The following NDE1 variants were observed in gnomAD, a reference collection of about 807,000 sequenced individuals.
NDE1 encodes the protein nudE neurodevelopment protein 1, also known as nuclear distribution protein nudE homolog 1.
In NDE1, 28 loss-of-function variants were observed where a neutral mutation model predicts 43.4. The observed-to-expected ratio is 0.65, with a 90% CI of 0.48 to 0.89. The LOEUF is 0.89. Ranked by LOEUF, NDE1 falls within the 40% of genes least tolerant of loss-of-function variation. The pLI is 0.00. For synonymous variants in NDE1, 184 were observed against 172.0 expected (o/e 1.07, Z -0.55); for missense variants, 441 against 434.1 (o/e 1.02, Z -0.14).
rs771263456 is a variant in NDE1 at position 15,699,783 on chromosome 16, G to A, written c.947+2923G>A. Reference sequence around the variant, plus strand: ...CGCCTTCACACATGTCTTCATCGCCGCTGCCGTCAGCCCAGGGGGTAGTCA... The same window carrying A: ...CGCCTTCACACATGTCTTCATCGCCACTGCCGTCAGCCCAGGGGGTAGTCA... On this transcript the variant is annotated intron_variant, in intron 8 of 8. Transcript: ENST00000396354. The A allele has an allele frequency of 1.6e-5, 22 of 1,351,374 alleles. No individual in the cohort carries two copies. The African/African-American group carries it at 2.8e-4, about 17-fold the overall frequency. 83.7% of individuals were successfully genotyped at this position (1,351,374 alleles called of 1,614,324 possible).
intron 8 of NDE1, chr16:15,712,940 C>G (rs1158615670): frequency 7.0e-6 from 1 of 143,754 alleles, no homozygotes; most frequent in Admixed American, 7.1e-5. Flanking sequence ...TGCAACCTCT[C>G]TCTCCCGGTT....
At chr16:15,715,851 C>T (rs1355941651) in intron 8 of NDE1, among the ~76,000 whole-genome samples, 1 of 152,078 alleles carries the variant, frequency 6.6e-6, no homozygotes, top group Non-Finnish European at 1.5e-5. Context: ...TCTGGCCAGG[C>T]GTGGTGGCTC....
At chr16:15,719,229 A>G in intron 8 of NDE1, 1 of 1,613,638 alleles carries the variant, frequency 6.2e-7, no homozygotes, top group Non-Finnish European at 8.5e-7. Context: ...CCTTCCCGAC[A>G]GGCTACTGGC....
At chr16:15,708,168 C>A (rs998803362) in intron 8 of NDE1, among the ~76,000 whole-genome samples, 2 of 152,160 alleles carry the variant, frequency 1.3e-5, no homozygotes, top group Admixed American at 6.6e-5. Flanking sequence ...GCTGAAAATG[C>A]AGTTTGTAGC....
intron 8 of NDE1, among the ~76,000 whole-genome samples, chr16:15,708,258 G>A (rs1261834620): frequency 6.6e-6 from 1 of 152,216 alleles, no homozygotes; most frequent in Non-Finnish European, 1.5e-5. Context: ...AGACAAGCCT[G>A]TGAAAGCTGA....
chr16:15,663,934 G>A (rs927925047), intron 1 of NDE1, among the ~76,000 whole-genome samples: 2 of 152,066 alleles, frequency 1.3e-5, no homozygotes, highest in African/African-American at 4.8e-5. Flanking sequence ...AGGCGTGGTG[G>A]CGCATGCCTG....
At chr16:15,694,347 T>A (rs147281843) in intron 7 of NDE1, 91 bp downstream of exon 7, 2 of 1,550,858 alleles carry the variant, frequency 1.3e-6, no homozygotes, top group Non-Finnish European at 1.7e-6. Context: ...CCTCTCTTCT[T>A]TTTTTCTTTT....
chr16:15,699,543 G>A (rs1432036349), intron 8 of NDE1: 4 of 1,185,298 alleles, frequency 3.4e-6, no homozygotes, highest in East Asian at 5.9e-5. Flanking sequence ...GGCGTTTTGT[G>A]TGACCTTGGA....
rs2040696923 is a variant in NDE1, at chr16:15,725,228, ACT to A, written c.*980_*981del. On this transcript the variant is annotated 3_prime_UTR_variant, in exon 9 of 9. Coordinates refer to ENST00000396354, the MANE Select transcript of NDE1 (RefSeq NM_017668.3). ...CTATGAGTTGGGACCCTGGCCCTAG[ACT>A]CTGTGGTTCTAAGAACTTATTTGAG... 1.7e-5 allele frequency: 10 copies of A among 604,648 alleles called. No individual in the cohort carries two copies. The South Asian group carries it at 2.0e-4, about 12-fold the overall frequency. The allele number at this position is 604,648 out of a possible 1,614,324, so 37.5% of individuals were successfully genotyped here.
At chr16:15,699,403 A>T (rs1287325982) in intron 8 of NDE1, among the ~76,000 whole-genome samples, 1 of 151,824 alleles carries the variant, frequency 6.6e-6, no homozygotes, top group Non-Finnish European at 1.5e-5. Flanking sequence ...GGGACTACAC[A>T]TGCAGGCCAC....
chr16:15,676,709 G>T (rs1809868726), intron 3 of NDE1, among the ~76,000 whole-genome samples: 1 of 152,086 alleles, frequency 6.6e-6, no homozygotes, highest in African/African-American at 2.4e-5. Context: ...AGTTGCCCAG[G>T]CCGGAGTGCA....
Position 15,691,139 on chromosome 16 carries a change from C to T in NDE1, c.524-5C>T. The T allele has an allele frequency of 6.2e-7, 1 of 1,614,042 alleles. No homozygotes were observed. Among genetic ancestry groups the T allele is most frequent in the Non-Finnish European group, 8.5e-7 (1 of 1,180,002 alleles). On this transcript the variant is annotated splice_polypyrimidine_tract_variant and splice_region_variant and intron_variant, in intron 5 of 8. Coordinates refer to ENST00000396354, the MANE Select transcript of NDE1 (RefSeq NM_017668.3). Reference sequence around the variant, plus strand: ...TTGAATTCCTGAATCCTTTTTCTGGCACAGATTTGCGGCAGGAACTGGCCG... The same window carrying T: ...TTGAATTCCTGAATCCTTTTTCTGGTACAGATTTGCGGCAGGAACTGGCCG...
intron 4 of NDE1, among the ~76,000 whole-genome samples, 157 bp downstream of exon 4, chr16:15,678,106 A>G (rs1158900308): frequency 6.6e-6 from 1 of 152,144 alleles, no homozygotes; most frequent in Non-Finnish European, 1.5e-5. Flanking sequence ...GGGGAAATGG[A>G]CAATAGTCGA....
intron 4 of NDE1, chr16:15,686,914 C>A: frequency 1.1e-6 from 1 of 931,180 alleles, no homozygotes; most frequent in Non-Finnish European, 1.3e-6. Context: ...CCAGGCTGGT[C>A]TTGAACTCCT....
At chr16:15,680,367 C>G (rs976409934) in intron 4 of NDE1, among the ~76,000 whole-genome samples, 65 of 152,238 alleles carry the variant, frequency 4.3e-4, no homozygotes, top group African/African-American at 1.5e-3. Context: ...AGACTTCACC[C>G]AGTCTTGTTC....
rs538556312 is a variant in NDE1 at position 15,686,362 on chromosome 16, AG to A, written c.387-1012del. The stretch of plus-strand genomic sequence containing the variant: ...GAGGTGCAGAGAAGGTGGTTTTCCC[AG>A]AATTATAACAGATTGTTTTCTTACA... On this transcript the variant is annotated intron_variant, in intron 4 of 8. Transcript: ENST00000396354. 214 of 984,914 alleles carry A rather than the reference AG, an allele frequency of 2.2e-4. No homozygotes were observed. The African/African-American group carries it at 3.6e-3, about 17-fold the overall frequency. The allele number at this position is 984,914 out of a possible 1,614,324, so 61.0% of individuals were successfully genotyped here. A position where few individuals can be genotyped will look rare whatever the true frequency, so the allele number is the denominator to read the frequency against.
In NDE1 at chr16:15,695,203, CTTTTTTT is replaced by C. The variant is rs71134451; in HGVS notation, c.795+965_795+971del. Reference sequence around the variant, plus strand: ...TCTCAGAAGAGAAAAAAACTGCCACCTTTTTTTTTTTTTTTTTTTTTTTTGGTTTGTT... The same window carrying C: ...TCTCAGAAGAGAAAAAAACTGCCACCTTTTTTTTTTTTTTTTTGGTTTGTT... On this transcript the variant is annotated intron_variant, in intron 7 of 8. Coordinates refer to ENST00000396354, the MANE Select transcript of NDE1 (RefSeq NM_017668.3). Among the ~76,000 whole-genome samples, 11 of 79,682 alleles carry C rather than the reference CTTTTTTT, an allele frequency of 1.4e-4. 1 individual carries two copies. Among genetic ancestry groups the C allele is most frequent in the Admixed American group, 8.9e-4 (6 of 6,770 alleles). The allele number at this position is 79,682 out of a possible 152,430, so 52.3% of individuals were successfully genotyped here. A position where few individuals can be genotyped will look rare whatever the true frequency, so the allele number is the denominator to read the frequency against.
intron 8 of NDE1, among the ~76,000 whole-genome samples, chr16:15,704,470 G>GA (rs902991031): frequency 9.9e-5 from 15 of 152,078 alleles, no homozygotes; most frequent in Non-Finnish European, 1.9e-4. Context: ...TTTAGAATAG[G>GA]AAAAAAACGC....
intron 8 of NDE1, chr16:15,719,292 TCAG>T: frequency 6.2e-7 from 1 of 1,612,032 alleles, no homozygotes; most frequent in Non-Finnish European, 8.5e-7. Flanking sequence ...GCGAGCCCTC[TCAG>T]CGGCGGCGAG....
Sources: gnomAD v4.1 joint callset for allele counts (sites outside exome capture counted in the v4.1 genomes callset) on GRCh38, gnomAD v4.1.1 for gene constraint, MANE v1.5 for transcripts, NCBI Gene and HGNC (gene_info 2026-07-23, HGNC 2026-07-21) for gene names.